Variants in BPIFC observed in about 807,000 individuals in gnomAD.
BPIFC encodes BPI fold containing family C, also known as BPI fold-containing family C protein.
BPIFC carries 60 observed loss-of-function variants against 57.6 expected under a neutral mutation model. The observed-to-expected ratio is 1.04, with a 90% CI of 0.85 to 1.29. The LOEUF is 1.29. Among genes scored for constraint, BPIFC ranks in the 50% most tolerant of loss-of-function variants. The pLI is 0.00. For missense variants in BPIFC, 581 were observed against 600.5 expected (o/e 0.97, Z 0.34); for synonymous variants, 243 against 224.5 (o/e 1.08, Z -0.74).
At chr22:32,418,674 C>T (rs1435540344) in intron 14 of BPIFC, among the ~76,000 whole-genome samples, 1 of 152,094 alleles carries the variant, frequency 6.6e-6, no homozygotes. Flanking sequence ...TAAATGAATA[C>T]CGTTAATACT....
At chr22:32,419,258 A>G in intron 14 of BPIFC, 104 bp downstream of exon 14, 1 of 1,237,716 alleles carries the variant, frequency 8.1e-7, no homozygotes, top group Admixed American at 2.3e-5. Context: ...TTATGGAGGA[A>G]TCAAGGACTC....
chr22:32,417,047 C>T (rs781602942), intron 15 of BPIFC, 38 bp downstream of exon 15: 25 of 1,494,678 alleles, frequency 1.7e-5, no homozygotes, highest in South Asian at 1.6e-4. Context: ...AAATGTTAGC[C>T]GATGTTACAG....
chr22:32,442,940 T>C (rs1934605764), intron 7 of BPIFC, among the ~76,000 whole-genome samples: 1 of 152,194 alleles, frequency 6.6e-6, no homozygotes. Flanking sequence ...AGCTGAACTT[T>C]GTAGCAACTA....
chr22:32,444,785 T>C (rs138682246), intron 7 of BPIFC, among the ~76,000 whole-genome samples: 1 of 152,346 alleles, frequency 6.6e-6, no homozygotes, highest in Non-Finnish European at 1.5e-5. Context: ...CTGCATCCTG[T>C]AAAAATTATC....
intron 2 of BPIFC, among the ~76,000 whole-genome samples, chr22:32,460,613 A>G (rs1211865082): frequency 1.3e-5 from 2 of 152,178 alleles, no homozygotes; most frequent in Non-Finnish European, 2.9e-5. Flanking sequence ...TTTTCTGCCT[A>G]ATGCTATTGC....
rs1378403137 is a variant in BPIFC at position 32,419,424 on chromosome 22, G to A, written c.1218-20C>T. 2 of 1,609,914 alleles carry A rather than the reference G, an allele frequency of 1.2e-6. No individual in the cohort carries two copies. The highest frequency in any genetic ancestry group is 1.7e-5 in the Admixed American group (1 of 59,802). ...CGGAATCTAAAAGAAAACAAGAAAA[G>A]TTTAAAGGATTTGAAAACAACAGCC... On this transcript the variant is annotated intron_variant, in intron 13 of 16. Transcript: ENST00000300399.
intron 3 of BPIFC, among the ~76,000 whole-genome samples, chr22:32,454,526 G>A (rs1228815968): frequency 6.6e-6 from 1 of 152,154 alleles, no homozygotes; most frequent in Non-Finnish European, 1.5e-5. Flanking sequence ...GGGGAAAAGA[G>A]ACCTCTCCCA....
intron 13 of BPIFC, among the ~76,000 whole-genome samples, chr22:32,430,077 T>C (rs1934197328): frequency 6.6e-6 from 1 of 152,164 alleles, no homozygotes; most frequent in South Asian, 2.1e-4. Context: ...TGGCACTTAG[T>C]GGTCAATGAT....
At chr22:32,420,091 G>A (rs1933800354) in intron 13 of BPIFC, among the ~76,000 whole-genome samples, 1 of 152,050 alleles carries the variant, frequency 6.6e-6, no homozygotes, top group South Asian at 2.1e-4. Context: ...GCCGAGGCGG[G>A]CGGATCATGA....
intron 13 of BPIFC, among the ~76,000 whole-genome samples, chr22:32,424,726 TTCCTCTTCTTCTTCC>T (rs1569448194): frequency 7.9e-5 from 7 of 88,424 alleles, no homozygotes; most frequent in Middle Eastern, 5.1e-3. Flanking sequence ...CCTCTTCTTC[TTCCTCTTCTTCTTCC>T]TCTTCTTCTT....
chr22:32,429,218 T>C (rs1440594491), intron 13 of BPIFC, among the ~76,000 whole-genome samples: 1 of 145,970 alleles, frequency 6.9e-6, no homozygotes. Context: ...TTTTCTTTTT[T>C]TTTTCTGAGA....
rs202166085 is a variant in BPIFC at position 32,445,884 on chromosome 22, C to T, written c.487G>A (p.Ala163Thr). 3.7e-5 allele frequency: 60 copies of T among 1,613,962 alleles called. No individual in the cohort carries two copies. The Admixed American group carries it at 4.8e-4, about 13-fold the overall frequency. Residue 163 changes from alanine to threonine, a missense_variant, in exon 6 of 17, where the codon GCC (alanine) becomes ACC (threonine). Transcript: ENST00000300399. ...GAGACGTGGGCATGGCTCAGTTGGG[C>T]GTAGCAATCTTGGAGCTTCAGGGTA... ...HPTLKLQDCY[A>T]QLSHAHVSFS...
intron 3 of BPIFC, among the ~76,000 whole-genome samples, chr22:32,455,051 ATTT>A (rs58029060): frequency 3.1e-5 from 4 of 130,736 alleles, no homozygotes; most frequent in Admixed American, 1.6e-4. Context: ...TTTCATCTCC[ATTT>A]TTTTTTTTTT....
At chr22:32,453,978 G>A (rs766615164) in intron 3 of BPIFC, among the ~76,000 whole-genome samples, 1 of 152,074 alleles carries the variant, frequency 6.6e-6, no homozygotes, top group Non-Finnish European at 1.5e-5. Context: ...GGGCATAATG[G>A]TGCATGTCTA....
At chr22:32,437,731 G>C in intron 9 of BPIFC, 29 bp downstream of exon 9, 1 of 1,483,284 alleles carries the variant, frequency 6.7e-7, no homozygotes, top group Non-Finnish European at 9.4e-7. Context: ...TGACAGCCAG[G>C]CTGAGGATTC....
rs1410403962 is a variant in BPIFC at position 32,415,195 on chromosome 22, T to G, written c.1401+720A>C. ...TCCTATGAGAATCTAATGTTGCTGCTGATCTGGTAGGAGGTGGAGCTCAGG... is the reference window on the plus strand; with the variant it reads ...TCCTATGAGAATCTAATGTTGCTGCGGATCTGGTAGGAGGTGGAGCTCAGG... On this transcript the variant is annotated intron_variant, in intron 16 of 16. Coordinates refer to ENST00000300399, the MANE Select transcript of BPIFC (RefSeq NM_174932.3). Among the ~76,000 whole-genome samples, 10 of 152,310 alleles carry G rather than the reference T, an allele frequency of 6.6e-5. No homozygotes were observed. In the East Asian group the frequency reaches 1.9e-3, roughly 29 times the overall value.
At chr22:32,434,489 AT>A (rs1407454819) in intron 10 of BPIFC, among the ~76,000 whole-genome samples, 1 of 150,288 alleles carries the variant, frequency 6.7e-6, no homozygotes, top group Non-Finnish European at 1.5e-5. Flanking sequence ...ATTTATATAT[AT>A]TACAATCTAT....
At chr22:32,447,507 A>C (rs1934763447) in intron 4 of BPIFC, among the ~76,000 whole-genome samples, 167 bp from the exon 5 acceptor site, 1 of 152,018 alleles carries the variant, frequency 6.6e-6, no homozygotes, top group Admixed American at 6.6e-5. Flanking sequence ...CTGCCTCCTA[A>C]TTCTCCTCAA....
chr22:32,431,638 T>C (rs1934245994), intron 12 of BPIFC, among the ~76,000 whole-genome samples: 1 of 152,096 alleles, frequency 6.6e-6, no homozygotes, highest in South Asian at 2.1e-4. Flanking sequence ...TTGAATTTTT[T>C]TTTTCTCCTA....
Sources: gnomAD v4.1 joint callset for allele counts (sites outside exome capture counted in the v4.1 genomes callset) on GRCh38, gnomAD v4.1.1 for gene constraint, MANE v1.5 for transcripts, NCBI Gene and HGNC (gene_info 2026-07-23, HGNC 2026-07-21) for gene names.